UBAP2L: variants seen among roughly 807,000 people sequenced by gnomAD.
UBAP2L encodes the protein ubiquitin associated protein 2 like.
UBAP2L carries 12 observed loss-of-function variants against 130.6 expected under a neutral mutation model. The ratio of observed to expected loss-of-function variants is 0.09; its 90% CI spans 0.06 to 0.15. The LOEUF (loss-of-function observed/expected upper bound fraction) is 0.15, where lower values mean the gene tolerates loss of function less well. Ranked by LOEUF, UBAP2L falls within the 10% of genes least tolerant of loss-of-function variation. UBAP2L has a pLI of 1.00. For synonymous variants in UBAP2L, 503 were observed against 524.7 expected, an observed-to-expected ratio of 0.96 and a Z score of 0.57; for missense variants, 965 against 1,332.5, an observed-to-expected ratio of 0.72 and a Z score of 4.29.
chr1:154,236,038 A>G (rs1435371212), intron 6 of UBAP2L, among the ~76,000 whole-genome samples: 1 of 152,172 alleles, frequency 6.6e-6, no homozygotes, highest in Non-Finnish European at 1.5e-5. Context: ...CTTTATTGCT[A>G]GTATTGTATT....
At chr1:154,223,241 A>T (rs1327768434) in intron 1 of UBAP2L, among the ~76,000 whole-genome samples, 1 of 152,224 alleles carries the variant, frequency 6.6e-6, no homozygotes, top group Non-Finnish European at 1.5e-5. Flanking sequence ...ACTTTTTAAT[A>T]TGTTTACATC....
chr1:154,221,120 C>A (rs976699295), intron 1 of UBAP2L, 145 bp downstream of exon 1: 1 of 156,092 alleles, frequency 6.4e-6, no homozygotes, highest in Non-Finnish European at 1.4e-5. Context: ...CGTATCCCCT[C>A]CCTCGGTAGG....
chr1:154,267,023 C>G (rs1683431355), intron 25 of UBAP2L, among the ~76,000 whole-genome samples: 1 of 152,094 alleles, frequency 6.6e-6, no homozygotes, highest in Non-Finnish European at 1.5e-5. Flanking sequence ...TTGCTTTTAT[C>G]CCCCATCACC....
chr1:154,264,581 C>G (rs1008021761), intron 24 of UBAP2L, among the ~76,000 whole-genome samples: 1 of 152,104 alleles, frequency 6.6e-6, no homozygotes, highest in African/African-American at 2.4e-5. Context: ...GGCCTCTGGA[C>G]TAGAAGCTGT....
chr1:154,260,738 A>G (rs111748114), intron 22 of UBAP2L, among the ~76,000 whole-genome samples, 154 bp from the exon 23 acceptor site: 4 of 152,386 alleles, frequency 2.6e-5, no homozygotes, highest in African/African-American at 9.6e-5. Context: ...ATGCTGAGCA[A>G]CAATAATTGG....
intron 10 of UBAP2L, among the ~76,000 whole-genome samples, chr1:154,245,022 C>T (rs940013494): frequency 2.0e-5 from 3 of 152,146 alleles, no homozygotes; most frequent in Non-Finnish European, 4.4e-5. Context: ...ACCTCCGCCT[C>T]CCAGGTTCAA....
At chr1:154,248,521 A>T (rs1416236346) in intron 11 of UBAP2L, among the ~76,000 whole-genome samples, 1 of 152,142 alleles carries the variant, frequency 6.6e-6, no homozygotes, top group Admixed American at 6.5e-5. Flanking sequence ...GTATTGGTTG[A>T]TTTAAAAATT....
Position 154,227,328 on chromosome 1 carries a change from A to G in UBAP2L, c.137A>G (p.Asn46Ser), listed in dbSNP as rs1668291181. Residue 46 changes from asparagine (N) to serine (S), a missense_variant, in exon 3 of 27, where the codon AAT (asparagine) becomes AGT (serine). Physicochemically the swap from Asn to Ser is conservative, Grantham distance 46 (BLOSUM62 1). Coordinates refer to ENST00000428931, the MANE Select transcript of UBAP2L (RefSeq NM_014847.4). ...IRLAQMISDHNDADFEEKVKQ... is the reference protein window; with the variant it reads ...IRLAQMISDHSDADFEEKVKQ... ...CTTGCACAGATGATTTCGGACCATA[A>G]TGATGCTGACTTTGAGGAGAAGGTG... The G allele has an allele frequency of 1.2e-6, 2 of 1,613,654 alleles. No homozygotes were observed. Among genetic ancestry groups the G allele is most frequent in the African/African-American group, 1.3e-5 (1 of 74,924 alleles).
At chr1:154,236,699 A>G in intron 7 of UBAP2L, 88 bp downstream of exon 7, 1 of 1,415,786 alleles carries the variant, frequency 7.1e-7, no homozygotes. Flanking sequence ...AATGATTTCT[A>G]GACTGGTCAG....
At position 154,246,317 on chromosome 1, in the gene UBAP2L, C is replaced by T; in HGVS notation, c.956C>T (p.Ser319Leu). Residue 319 changes from serine to leucine, a missense_variant, in exon 11 of 27, where the codon TCG becomes TTG. By Grantham distance (145) the Ser-to-Leu change is moderately radical (BLOSUM62 -2). This residue lies in a region of UBAP2L where 99 missense variants were observed against 106.4 expected (regional missense o/e 0.93). Transcript: ENST00000428931. ...SLAQPLVFSNSKQTAISQPAS... is the reference protein window; with the variant it reads ...SLAQPLVFSNLKQTAISQPAS... ...GCCCAGCCTCTGGTGTTCAGTAATT[C>T]GAAGCAGACTGCCATATCACAGCCT... is the stretch of plus-strand genomic sequence containing the variant. 3 of 1,613,668 alleles carry T rather than the reference C, an allele frequency of 1.9e-6. No individual in the cohort carries two copies. The highest frequency in any genetic ancestry group is 1.3e-5 in the African/African-American group (1 of 75,028).
intron 21 of UBAP2L, 93 bp from the exon 22 acceptor site, chr1:154,259,855 T>C: frequency 7.5e-7 from 1 of 1,327,670 alleles, no homozygotes; most frequent in Non-Finnish European, 1.1e-6. Flanking sequence ...TGCACAACTC[T>C]CACATTCTTC....
intron 24 of UBAP2L, 115 bp from the exon 25 acceptor site, chr1:154,266,386 C>T (rs1051600569): frequency 8.7e-7 from 1 of 1,152,646 alleles, no homozygotes; most frequent in South Asian, 1.2e-5. Context: ...GGAAAACCGA[C>T]CAAAATTCCC....
intron 9 of UBAP2L, 97 bp downstream of exon 9, chr1:154,241,662 C>G (rs1312310769): frequency 1.3e-6 from 2 of 1,551,180 alleles, no homozygotes; most frequent in African/African-American, 1.4e-5. Context: ...AAAATTCACC[C>G]TTAAGATTCT....
intron 6 of UBAP2L, among the ~76,000 whole-genome samples, chr1:154,236,182 A>G (rs555740534): frequency 1.3e-5 from 2 of 152,166 alleles, no homozygotes; most frequent in Admixed American, 1.3e-4. Flanking sequence ...TTTATTCCAG[A>G]GCTGCCTCAG....
chr1:154,257,382 C>T lies in UBAP2L; in HGVS notation c.2390C>T (p.Pro797Leu). Residue 797 changes from proline to leucine, a missense_variant, in exon 20 of 27, where the codon CCG becomes CTG. Physicochemically the swap from Pro to Leu is moderately conservative, Grantham distance 98 (BLOSUM62 -3). Around this residue, in one of 9 missense-constraint regions of UBAP2L, gnomAD observed 393 missense variants for 408.1 expected, o/e 0.96. Transcript: ENST00000428931. ...CCCAACCTCCCTCCTGGGGTCCCGC[C>T]GTTGTTGCCTAATCCGTATATTATG... ...APPNLPPGVP[P>L]LLPNPYIMAP... 1.2e-6 allele frequency: 2 copies of T among 1,613,522 alleles called. No individual in the cohort carries two copies. Among genetic ancestry groups the T allele is most frequent in the Non-Finnish European group, 1.7e-6 (2 of 1,180,044 alleles).
upstream of UBAP2L, chr1:154,220,223 G>C (rs1665421039): frequency 7.8e-7 from 1 of 1,274,306 alleles, no homozygotes; most frequent in Admixed American, 1.7e-5. Context: ...GGAATAAGGA[G>C]TCAAAGCCCG....
chr1:154,253,965 A>G lies in UBAP2L; in HGVS notation c.1730A>G (p.Gln577Arg). 1 of 1,614,118 alleles carries G rather than the reference A, an allele frequency of 6.2e-7. No individual in the cohort carries two copies. The highest frequency in any genetic ancestry group is 8.5e-7 in the Non-Finnish European group (1 of 1,180,022). The change falls in exon 15 of 27, where the codon CAG becomes CGG. Residue 577 changes from glutamine (Q) to arginine (R), a missense_variant. Transcript: ENST00000428931. ...QESGYQSGPI[Q>R]STTYTSQNNA... Reference sequence around the variant, plus strand: ...TCTGGTTATCAGAGCGGCCCAATTCAGTCGACAACCTATACCTCCCAAAAT... The same window carrying G: ...TCTGGTTATCAGAGCGGCCCAATTCGGTCGACAACCTATACCTCCCAAAAT...
chr1:154,243,159 C>G, intron 9 of UBAP2L, 58 bp from the exon 10 acceptor site: 1 of 1,477,138 alleles, frequency 6.8e-7, no homozygotes, highest in Non-Finnish European at 9.4e-7. Context: ...TTACCTATGC[C>G]AAGTTTCTGA....
At chr1:154,237,181 G>A in intron 8 of UBAP2L, 45 bp downstream of exon 8, 1 of 1,538,306 alleles carries the variant, frequency 6.5e-7, no homozygotes, top group South Asian at 1.1e-5. Context: ...GGGAATCTAA[G>A]GAAATAGTTT....
Sources: gnomAD v4.1 joint callset for allele counts (sites outside exome capture counted in the v4.1 genomes callset) on GRCh38, gnomAD v4.1.1 for gene constraint, gnomAD v4.1.1 regional missense constraint, MANE v1.5 for transcripts, NCBI Gene and HGNC (gene_info 2026-07-23, HGNC 2026-07-21) for gene names.